Variants in GPBP1L1 observed in about 807,000 individuals in gnomAD.
GPBP1L1 encodes vasculin-like protein 1.
A neutral mutation model predicts 52.5 loss-of-function variants in GPBP1L1; 23 were observed. The ratio of observed to expected loss-of-function variants is 0.44; its 90% confidence interval spans 0.32 to 0.62. The LOEUF (loss-of-function observed/expected upper bound fraction) is 0.62. GPBP1L1 is among the 20% of genes least tolerant of loss of function. The probability of loss-of-function intolerance (pLI) is 0.06; values close to 1 mark genes in which losing one functional copy is unlikely to be tolerated. For synonymous variants in GPBP1L1, 243 were observed against 203.1 expected (o/e 1.20, Z -1.67); for missense variants, 596 against 579.3 (o/e 1.03, Z -0.30).
chr1:45,657,697 A>C (rs2148477047), intron 4 of GPBP1L1, among the ~76,000 whole-genome samples: 1 of 152,156 alleles, frequency 6.6e-6, no homozygotes, highest in Middle Eastern at 3.4e-3. Context: ...CAAAAAACCC[A>C]AAAAAGTTAG....
At chr1:45,648,636 T>C (rs1172617708) in intron 6 of GPBP1L1, among the ~76,000 whole-genome samples, 1 of 152,234 alleles carries the variant, frequency 6.6e-6, no homozygotes, top group Non-Finnish European at 1.5e-5. Flanking sequence ...TTTACGGGTA[T>C]GTGGGGAAAT....
chr1:45,659,274 C>A (rs1259285394), intron 3 of GPBP1L1, 132 bp from the exon 4 acceptor site: 2 of 580,188 alleles, frequency 3.4e-6, no homozygotes, highest in East Asian at 3.0e-5. Flanking sequence ...AGATTACTTA[C>A]CAAGCCTTAT....
chr1:45,651,394 G>T (rs537183062), intron 6 of GPBP1L1: 6 of 389,458 alleles, frequency 1.5e-5, no homozygotes, highest in South Asian at 1.1e-4. Context: ...TCTCCACCAA[G>T]GTGGTGAAGT....
intron 2 of GPBP1L1, among the ~76,000 whole-genome samples, chr1:45,668,032 G>A (rs1472397485): frequency 6.6e-6 from 1 of 152,022 alleles, no homozygotes; most frequent in Admixed American, 6.6e-5. Context: ...AGCCACGCCT[G>A]CCCTCTAGTC....
intron 4 of GPBP1L1, among the ~76,000 whole-genome samples, chr1:45,657,203 A>G (rs1644895505): frequency 6.6e-6 from 1 of 152,188 alleles, no homozygotes; most frequent in African/African-American, 2.4e-5. Context: ...GATTAGGCCA[A>G]TTATGAGGTC....
At chr1:45,633,000 C>A (rs1644549489) in intron 10 of GPBP1L1, among the ~76,000 whole-genome samples, 1 of 152,182 alleles carries the variant, frequency 6.6e-6, no homozygotes, top group South Asian at 2.1e-4. Context: ...ATCCAGAACA[C>A]TGATAATATC....
chr1:45,650,384 A>G (rs1644805611), intron 6 of GPBP1L1, among the ~76,000 whole-genome samples: 1 of 152,228 alleles, frequency 6.6e-6, no homozygotes, highest in African/African-American at 2.4e-5. Flanking sequence ...AGTAACAGCT[A>G]CCATTTAAAA....
At chr1:45,671,802 G>A (rs1362928128) in intron 2 of GPBP1L1, among the ~76,000 whole-genome samples, 1 of 151,844 alleles carries the variant, frequency 6.6e-6, no homozygotes, top group Non-Finnish European at 1.5e-5. Flanking sequence ...CCAGGCCTGG[G>A]TGACAGAGCG....
At chr1:45,685,263 T>A (rs1378002651) in intron 2 of GPBP1L1, among the ~76,000 whole-genome samples, 1 of 152,156 alleles carries the variant, frequency 6.6e-6, no homozygotes, top group Non-Finnish European at 1.5e-5. Context: ...TCTACTAAAT[T>A]ACAAATATAA....
intron 2 of GPBP1L1, among the ~76,000 whole-genome samples, chr1:45,679,362 C>T (rs944893482): frequency 6.6e-6 from 1 of 152,174 alleles, no homozygotes; most frequent in Non-Finnish European, 1.5e-5. Context: ...GCTAGTAATG[C>T]CACCACCAAC....
intron 2 of GPBP1L1, among the ~76,000 whole-genome samples, chr1:45,661,795 C>T (rs1406520352): frequency 6.6e-6 from 1 of 152,078 alleles, no homozygotes; most frequent in Non-Finnish European, 1.5e-5. Flanking sequence ...AATCTCAACA[C>T]TTTGAGAGGC....
intron 2 of GPBP1L1, among the ~76,000 whole-genome samples, chr1:45,683,518 T>C (rs1645238281): frequency 6.7e-6 from 1 of 149,514 alleles, no homozygotes; most frequent in Non-Finnish European, 1.5e-5. Flanking sequence ...ATATAGACTG[T>C]TACCTACCAG....
chr1:45,634,311 A>G, intron 8 of GPBP1L1, 75 bp from the exon 9 acceptor site: 1 of 1,425,518 alleles, frequency 7.0e-7, no homozygotes. Flanking sequence ...TCATAAAGCA[A>G]AGAGTGAAAT....
At chr1:45,654,337 T>A (rs2148469549) in intron 6 of GPBP1L1, 1 of 445,966 alleles carries the variant, frequency 2.2e-6, no homozygotes, top group East Asian at 3.5e-5. Context: ...GACACAAAGA[T>A]GAAAAATTTG....
intron 1 of GPBP1L1, 73 bp downstream of exon 1, chr1:45,686,339 G>A (rs956392218): frequency 1.3e-5 from 2 of 152,438 alleles, no homozygotes; most frequent in Non-Finnish European, 1.5e-5. Context: ...CCGTTGGTTA[G>A]GCACCGGGCG....
chr1:45,673,075 G>T (rs978155903), intron 2 of GPBP1L1, among the ~76,000 whole-genome samples: 1 of 152,186 alleles, frequency 6.6e-6, no homozygotes, highest in African/African-American at 2.4e-5. Flanking sequence ...AGTAGAAAAA[G>T]AAAACGATGC....
chr1:45,636,796 G>T (rs981464059), intron 8 of GPBP1L1, among the ~76,000 whole-genome samples: 5 of 152,166 alleles, frequency 3.3e-5, no homozygotes, highest in African/African-American at 1.2e-4. Flanking sequence ...TTTCAACTTA[G>T]TTAAGTTTGA....
At chr1:45,662,297 A>G (rs1237667350) in intron 2 of GPBP1L1, among the ~76,000 whole-genome samples, 2 of 152,106 alleles carry the variant, frequency 1.3e-5, no homozygotes, top group Admixed American at 1.3e-4. Context: ...ATGCACCATC[A>G]TGCCCATCTA....
chr1:45,683,204 T>G (rs916703585), intron 2 of GPBP1L1, among the ~76,000 whole-genome samples: 1 of 45,728 alleles, frequency 2.2e-5, no homozygotes, highest in Non-Finnish European at 4.4e-5. Flanking sequence ...AATATAGGCC[T>G]TTTTTTTTTT....
Sources: allele counts gnomAD v4.1 joint callset (sites outside exome capture counted in the v4.1 genomes callset), GRCh38; gene constraint gnomAD v4.1.1; transcripts MANE v1.5; gene names NCBI Gene and HGNC (gene_info 2026-07-23, HGNC 2026-07-21).